Variants in CALCOCO2 observed in about 807,000 individuals in gnomAD.
CALCOCO2 encodes calcium binding and coiled-coil domain 2.
In CALCOCO2, 42 loss-of-function variants were observed where a neutral mutation model predicts 62.5. That is an observed-to-expected ratio of 0.67 (90% confidence interval 0.53 to 0.87). CALCOCO2 has a LOEUF of 0.87. Among genes scored for constraint, CALCOCO2 ranks in the 40% least tolerant of loss-of-function variants. The pLI, the probability that CALCOCO2 is intolerant of heterozygous loss-of-function variation, is 0.00. For synonymous variants in CALCOCO2, 167 were observed against 173.0 expected (o/e 0.97, Z 0.27); for missense variants, 456 against 515.0 (o/e 0.89, Z 1.11).
chr17:48,836,748 G>A (rs998716315), intron 1 of CALCOCO2, among the ~76,000 whole-genome samples: 66 of 151,226 alleles, frequency 4.4e-4, no homozygotes, highest in African/African-American at 1.6e-3. Context: ...GGGCAGTCCC[G>A]GAAGTCACTC....
At position 48,851,082 on chromosome 17, in the gene CALCOCO2, T is replaced by C. The variant is rs761201604; in HGVS notation, c.544-7T>C. On this transcript the variant is annotated splice_polypyrimidine_tract_variant and splice_region_variant and intron_variant, in intron 5 of 12. Transcript: ENST00000258947. ...GTCTGTCCCTTTGATGTTGTTTCAA[T>C]CTATAGGAGGAGCTAGAAACCCTAC... 12 of 1,534,700 alleles carry C rather than the reference T, an allele frequency of 7.8e-6. No homozygotes were observed. The East Asian group carries it at 2.0e-4, about 26-fold the overall frequency.
chr17:48,863,216 G>A lies in CALCOCO2; in HGVS notation c.*211G>A, dbSNP rs902418916. On this transcript the variant is annotated 3_prime_UTR_variant, in exon 13 of 13. Coordinates refer to ENST00000258947, the MANE Select transcript of CALCOCO2 (RefSeq NM_005831.5). ...CCTTGTGGGTTGCTACCTTTAAGTC[G>A]CATAACTCTAGCTGTATCATCCTCT... The A allele has an allele frequency of 2.5e-5, 13 of 517,358 alleles. 1 individual carries two copies. The highest frequency in any genetic ancestry group is 3.5e-5 in the East Asian group (1 of 28,786). The allele number at this position is 517,358 out of a possible 1,614,324, so 32.0% of individuals were successfully genotyped here.
At chr17:48,843,332 A>G (rs2040001482) in intron 2 of CALCOCO2, among the ~76,000 whole-genome samples, 1 of 152,212 alleles carries the variant, frequency 6.6e-6, no homozygotes, top group Non-Finnish European at 1.5e-5. Flanking sequence ...GAGACAAGAA[A>G]TAAAGGTCAA....
At position 48,835,906 on chromosome 17, in the gene CALCOCO2, C is replaced by T. The variant is rs945962004; in HGVS notation, c.-11+4828C>T. 3.9e-5 allele frequency among the ~76,000 whole-genome samples: 6 copies of T among 151,990 alleles called. No homozygotes were observed. In the East Asian group the frequency reaches 5.8e-4, roughly 15 times the overall value. On this transcript the variant is annotated intron_variant, in intron 1 of 12. Transcript: ENST00000258947. ...CTTGGATTACAGGCGCCTACCACCA[C>T]GCCCGGCTAATTTTTTGTATTTTTA...
Position 48,849,394 on chromosome 17 carries a change from T to C in CALCOCO2, c.543+17T>C, listed in dbSNP as rs766752673. ...AAGAAGCAGGTATGGCTGCTGGTTA[T>C]AGGTGACCTTGGAGCATGGAGATCA... On this transcript the variant is annotated intron_variant, in intron 5 of 12. Coordinates refer to ENST00000258947, the MANE Select transcript of CALCOCO2 (RefSeq NM_005831.5). 1.2e-6 allele frequency: 2 copies of C among 1,611,272 alleles called. No homozygotes were observed. Among genetic ancestry groups the C allele is most frequent in the Non-Finnish European group, 1.7e-6 (2 of 1,178,954 alleles).
chr17:48,837,623 G>T (rs529022986), intron 1 of CALCOCO2, among the ~76,000 whole-genome samples: 1 of 152,086 alleles, frequency 6.6e-6, no homozygotes, highest in Non-Finnish European at 1.5e-5. Context: ...TCCAGCCTGG[G>T]GAACAGAGCG....
intron 12 of CALCOCO2, 144 bp from the exon 13 acceptor site, chr17:48,862,694 T>G: frequency 4.4e-6 from 3 of 677,452 alleles, no homozygotes; most frequent in Non-Finnish European, 7.7e-6. Flanking sequence ...ATGTGCATTC[T>G]CTTCATTCAT....
intron 1 of CALCOCO2, among the ~76,000 whole-genome samples, chr17:48,838,151 C>T (rs1212105024): frequency 3.3e-5 from 5 of 151,538 alleles, no homozygotes; most frequent in Admixed American, 1.3e-4. Context: ...AGGGGGTATG[C>T]GTGAGAGGGT....
At chr17:48,853,929 G>A (rs1644348) in intron 9 of CALCOCO2, among the ~76,000 whole-genome samples, 149,012 of 152,282 alleles carry the variant, frequency 0.98, 73,012 homozygotes, top group East Asian at 1. Flanking sequence ...ATTGCATTCA[G>A]TTCCTTCGTT....
intron 2 of CALCOCO2, chr17:48,846,452 T>C: frequency 6.9e-7 from 1 of 1,443,504 alleles, no homozygotes; most frequent in Non-Finnish European, 9.4e-7. Flanking sequence ...GGCATTTAAA[T>C]GTTTCCAAGA....
intron 5 of CALCOCO2, 123 bp downstream of exon 5, chr17:48,849,500 G>T: frequency 1.2e-6 from 1 of 824,006 alleles, no homozygotes; most frequent in Non-Finnish European, 2.0e-6. Flanking sequence ...TCTTTGAACA[G>T]GCATTAGTTT....
At chr17:48,849,729 C>T (rs2040101266) in intron 5 of CALCOCO2, among the ~76,000 whole-genome samples, 1 of 151,930 alleles carries the variant, frequency 6.6e-6, no homozygotes, top group Non-Finnish European at 1.5e-5. Flanking sequence ...GTCTCGCACT[C>T]CTGGCCTCAG....
At chr17:48,849,401 C>T in intron 5 of CALCOCO2, 24 bp downstream of exon 5, 5 of 1,608,510 alleles carry the variant, frequency 3.1e-6, no homozygotes, top group Non-Finnish European at 4.2e-6. Flanking sequence ...TTATAGGTGA[C>T]CTTGGAGCAT....
At chr17:48,859,024 C>T (rs7219313) in intron 10 of CALCOCO2, among the ~76,000 whole-genome samples, 13,450 of 111,340 alleles carry the variant, frequency 0.12, 1,227 homozygotes, top group African/African-American at 0.29. Context: ...CCAGCCTGGG[C>T]GACAGAGCAA....
intron 1 of CALCOCO2, 191 bp from the exon 2 acceptor site, chr17:48,841,507 G>T (rs1017091037): frequency 4.4e-5 from 20 of 457,166 alleles, no homozygotes; most frequent in Non-Finnish European, 7.0e-5. Context: ...GAAAATTCTC[G>T]TAGCATAGGA....
At position 48,841,719 on chromosome 17, in the gene CALCOCO2, C is replaced by G. The variant is rs778703939; in HGVS notation, c.12C>G (p.Thr4=). The change falls in exon 2 of 13, where the codon ACC becomes ACG. Residue 4 remains threonine, a synonymous_variant. Transcript: ENST00000258947. ...ACAGGACCCCTACCATGGAGGAGAC[C>G]ATCAAAGATCCCCCCACATCAGCTG... is the stretch of plus-strand genomic sequence containing the variant. MEE[T]IKDPPTSAVL... is the part of the protein sequence containing the mutation. 5 of 1,610,868 alleles carry G rather than the reference C, an allele frequency of 3.1e-6. No individual in the cohort carries two copies. The Admixed American group carries it at 8.4e-5, about 27-fold the overall frequency.
chr17:48,858,696 G>T (rs574365753), intron 10 of CALCOCO2, among the ~76,000 whole-genome samples: 1 of 145,798 alleles, frequency 6.9e-6, no homozygotes, highest in South Asian at 2.1e-4. Flanking sequence ...GTTTGATTGT[G>T]GGGGGGGGCA....
rs867316981 is a variant in CALCOCO2 at position 48,861,659 on chromosome 17, G to C, written c.1145-617G>C. On this transcript the variant is annotated intron_variant, in intron 11 of 12. Transcript: ENST00000258947. ...TATATGTATATATATATATGTGTGT[G>C]TGTATATATATATATATAAAGCCTG... 2.2e-5 allele frequency among the ~76,000 whole-genome samples: 3 copies of C among 135,228 alleles called. No individual in the cohort carries two copies. The East Asian group carries it at 6.0e-4, about 27-fold the overall frequency. 88.7% of individuals were successfully genotyped at this position (135,228 alleles called of 152,430 possible).
chr17:48,856,252 G>A lies in CALCOCO2; in HGVS notation c.1008+65G>A, dbSNP rs2040213709. 9.3e-6 allele frequency: 8 copies of A among 860,148 alleles called. No individual in the cohort carries two copies. In the South Asian group the frequency reaches 1.1e-4, roughly 12 times the overall value. 53.3% of individuals were successfully genotyped at this position (860,148 alleles called of 1,614,324 possible). A position where few individuals can be genotyped will look rare whatever the true frequency, so the allele number is the denominator to read the frequency against. On this transcript the variant is annotated intron_variant, in intron 10 of 12. Coordinates refer to ENST00000258947, the MANE Select transcript of CALCOCO2 (RefSeq NM_005831.5). ...AGGGGAAGGATCAGGGTGGCCCAGA[G>A]ATGTAGTGAAAAAAATAAAAAGTTA... is the stretch of plus-strand genomic sequence containing the variant.
Sources: gnomAD v4.1 joint callset for allele counts (sites outside exome capture counted in the v4.1 genomes callset) on GRCh38, gnomAD v4.1.1 for gene constraint, MANE v1.5 for transcripts, NCBI Gene and HGNC (gene_info 2026-07-23, HGNC 2026-07-21) for gene names.